The following VPS8 variants were observed in gnomAD, a reference collection of about 807,000 sequenced individuals.
The protein encoded by VPS8 is VPS8 subunit of CORVET complex, also known as vacuolar protein sorting-associated protein 8 homolog.
Under a neutral mutation model 216.4 loss-of-function variants are expected in VPS8, and 129 were observed. That is an observed-to-expected ratio of 0.60 (90% CI 0.52 to 0.69). The LOEUF (loss-of-function observed/expected upper bound fraction) is 0.69. Among genes scored for constraint, VPS8 ranks in the 30% least tolerant of loss-of-function variants. The probability of loss-of-function intolerance (pLI) is 0.00; values close to 1 mark genes in which losing one functional copy is unlikely to be tolerated. For missense variants in VPS8, 1,531 were observed against 1,683.5 expected (o/e 0.91, Z 1.59); for synonymous variants, 571 against 565.4 (o/e 1.01, Z -0.14).
In VPS8 at chr3:184,830,177, A is replaced by C. The variant is rs1021898734; in HGVS notation, c.223-2512A>C. ...TCATCTGGAATTTTTTTTGGGTGTG[A>C]TAGTGTGAGCTATGAGCCAGCACCA... On this transcript the variant is annotated intron_variant, in intron 3 of 47. Coordinates refer to ENST00000625842, the MANE Select transcript of VPS8 (RefSeq NM_001009921.3). Among the ~76,000 whole-genome samples the C allele has an allele frequency of 3.3e-5, 5 of 152,116 alleles. No homozygotes were observed. In the East Asian group the frequency reaches 5.8e-4, roughly 18 times the overall value.
Position 184,916,692 on chromosome 3 carries a change from A to G in VPS8, c.2382+1218A>G, listed in dbSNP as rs115958272. Among the ~76,000 whole-genome samples the G allele has an allele frequency of 7.6e-3, 1,151 of 152,296 alleles. 3 individuals are homozygous for G. Among genetic ancestry groups the G allele is most frequent in the Middle Eastern group, 0.014 (4 of 294 alleles). On this transcript the variant is annotated intron_variant, in intron 28 of 47. Coordinates refer to ENST00000625842, the MANE Select transcript of VPS8 (RefSeq NM_001009921.3). ...ATCTAGTTGGTTTAGGAAATTTTAA[A>G]TGTCCAGAGGGGAACATAAGGGTAG...
At chr3:185,042,557 A>G (rs564646160) in intron 46 of VPS8, among the ~76,000 whole-genome samples, 117 of 152,330 alleles carry the variant, frequency 7.7e-4, no homozygotes, top group African/African-American at 2.7e-3. Context: ...CTGGCATCTC[A>G]GGATAATGAT....
At chr3:184,998,479 TTATATATATATATATA>T (rs10530534) in intron 44 of VPS8, among the ~76,000 whole-genome samples, 47 of 134,998 alleles carry the variant, frequency 3.5e-4, no homozygotes, top group East Asian at 2.8e-3. Context: ...AAGAGGAAGT[TTATATATATATATATA>T]TATATATATA....
intron 34 of VPS8, among the ~76,000 whole-genome samples, chr3:184,933,886 T>G (rs1422328256): frequency 2.0e-5 from 3 of 152,210 alleles, no homozygotes; most frequent in Non-Finnish European, 4.4e-5. Flanking sequence ...TGCTGTATAA[T>G]GAGTCTTGAT....
At chr3:184,933,050 G>T (rs1740963780) in intron 34 of VPS8, among the ~76,000 whole-genome samples, 1 of 152,176 alleles carries the variant, frequency 6.6e-6, no homozygotes, top group African/African-American at 2.4e-5. Context: ...CTCCACCTCA[G>T]ACCTCCTGAA....
chr3:184,879,216 A>C (rs910662065), intron 21 of VPS8, among the ~76,000 whole-genome samples: 1 of 152,228 alleles, frequency 6.6e-6, no homozygotes, highest in African/African-American at 2.4e-5. Flanking sequence ...GTTATCTGTC[A>C]GCTCAGTTTT....
At chr3:184,848,818 C>T (rs1481102063) in intron 8 of VPS8, among the ~76,000 whole-genome samples, 1 of 152,096 alleles carries the variant, frequency 6.6e-6, no homozygotes, top group East Asian at 1.9e-4. Flanking sequence ...ATCCACCCAC[C>T]TCGGCCTTCC....
intron 22 of VPS8, among the ~76,000 whole-genome samples, chr3:184,888,261 T>A (rs1410959261): frequency 6.6e-6 from 1 of 152,196 alleles, no homozygotes; most frequent in Non-Finnish European, 1.5e-5. Context: ...GTGCTGGGAT[T>A]ACAGGCATGA....
intron 33 of VPS8, among the ~76,000 whole-genome samples, chr3:184,930,066 G>A (rs1037140324): frequency 1.3e-5 from 2 of 152,110 alleles, no homozygotes; most frequent in African/African-American, 4.8e-5. Context: ...GACCTGAGGT[G>A]GGGAAAATTG....
chr3:184,839,964 A>C, intron 7 of VPS8: 1 of 1,251,404 alleles, frequency 8.0e-7, no homozygotes, highest in Non-Finnish European at 1.0e-6. Flanking sequence ...TTCTTCATGA[A>C]TTTATAAGCT....
intron 36 of VPS8, among the ~76,000 whole-genome samples, chr3:184,951,446 C>CT (rs11435455): frequency 0.53 from 80,517 of 150,802 alleles, 22,758 homozygotes; most frequent in Middle Eastern, 0.69. Context: ...AATTACAGCA[C>CT]TTCACTCCAG....
Position 184,893,449 on chromosome 3 carries a change from A to G in VPS8, c.1782-1254A>G. ...TCACACAGTTTTTGTATTTTTTAAA[A>G]AACAGAATGAACAAAGAAGTGAATG... is the stretch of plus-strand genomic sequence containing the variant. On this transcript the variant is annotated intron_variant, in intron 22 of 47. Coordinates refer to ENST00000625842, the MANE Select transcript of VPS8 (RefSeq NM_001009921.3). 5 of 840,354 alleles carry G rather than the reference A, an allele frequency of 5.9e-6. No individual in the cohort carries two copies. The South Asian group carries it at 8.9e-5, about 15-fold the overall frequency. 52.1% of individuals were successfully genotyped at this position (840,354 alleles called of 1,614,324 possible).
At chr3:184,976,814 A>G (rs1357197729) in intron 40 of VPS8, among the ~76,000 whole-genome samples, 1 of 152,212 alleles carries the variant, frequency 6.6e-6, no homozygotes, top group African/African-American at 2.4e-5. Context: ...TTATGGCTGC[A>G]TAGTATTCCA....
chr3:185,034,952 C>T (rs925424231), intron 46 of VPS8, among the ~76,000 whole-genome samples: 7 of 152,010 alleles, frequency 4.6e-5, no homozygotes, highest in African/African-American at 1.2e-4. Flanking sequence ...AAAGACTTTC[C>T]GAACATCAGG....
In VPS8 at chr3:184,915,420, C is replaced by A. The variant is rs1269460900; in HGVS notation, c.2328C>A (p.Tyr776Ter). 6.2e-7 allele frequency: 1 copy of A among 1,613,864 alleles called. No individual in the cohort carries two copies. Among genetic ancestry groups the A allele is most frequent in the Non-Finnish European group, 8.5e-7 (1 of 1,179,810 alleles). ...EASPEEEIYP[Y>*]IRTLLHFDTR... The stretch of plus-strand genomic sequence containing the variant: ...CTCCTGAGGAAGAAATCTATCCTTA[C>A]ATTCGGACTTTGCTACATTTTGACA... The change falls in exon 28 of 48, where the codon TAC becomes TAA. Residue 776 changes from tyrosine to a stop codon, truncating the protein, a stop_gained. Transcript: ENST00000625842. LOFTEE classifies it high-confidence loss of function.
intron 45 of VPS8, among the ~76,000 whole-genome samples, chr3:185,020,453 A>G (rs570989395): frequency 6.7e-6 from 1 of 148,964 alleles, no homozygotes; most frequent in South Asian, 2.1e-4. Context: ...TTCTTTTGTA[A>G]TCAGTAAAAT....
intron 21 of VPS8, among the ~76,000 whole-genome samples, chr3:184,880,922 A>C (rs1560505819): frequency 6.6e-6 from 1 of 152,068 alleles, no homozygotes. Context: ...ATGATGTTAA[A>C]CATCTTTTCA....
At chr3:184,825,824 C>A (rs1353949192) in intron 2 of VPS8, among the ~76,000 whole-genome samples, 1 of 151,932 alleles carries the variant, frequency 6.6e-6, no homozygotes, top group Non-Finnish European at 1.5e-5. Context: ...TTGCTTGAAC[C>A]CGGGAGGTGG....
At position 185,047,313 on chromosome 3, in the gene VPS8, C is replaced by A. The variant is rs190277963; in HGVS notation, c.4057-1166C>A. On this transcript the variant is annotated intron_variant, in intron 46 of 47. Transcript: ENST00000625842. ...TTCTGTGTGCATTACCTTCTTGAAT[C>A]TTCATAGCCACTTTATGTGATGTAG... Among the ~76,000 whole-genome samples, 547 of 152,320 alleles carry A rather than the reference C, an allele frequency of 3.6e-3. 3 individuals carry two copies. Among genetic ancestry groups the A allele is most frequent in the African/African-American group, 0.013 (525 of 41,582 alleles).
Sources: gnomAD v4.1 joint callset for allele counts (sites outside exome capture counted in the v4.1 genomes callset) on GRCh38, gnomAD v4.1.1 for gene constraint, MANE v1.5 for transcripts, NCBI Gene and HGNC (gene_info 2026-07-23, HGNC 2026-07-21) for gene names.